Variants in COMMD1 observed in about 807,000 individuals in gnomAD.
COMMD1 encodes copper metabolism domain containing 1, also known as COMM domain-containing protein 1.
COMMD1 carries 10 observed loss-of-function variants against 17.2 expected under a neutral mutation model. The observed-to-expected ratio is 0.58, with a 90% CI of 0.36 to 0.99. The LOEUF (loss-of-function observed/expected upper bound fraction) is 0.99, where lower values mean the gene tolerates loss of function less well. COMMD1 is among the 50% of genes least tolerant of loss of function. The pLI is 0.01. For missense variants in COMMD1, 270 were observed against 231.8 expected, an observed-to-expected ratio of 1.17 and a Z score of -1.07; for synonymous variants, 97 against 91.6, an observed-to-expected ratio of 1.06 and a Z score of -0.34.
intron 1 of COMMD1, among the ~76,000 whole-genome samples, chr2:61,933,175 A>G (rs1670513546): frequency 6.6e-6 from 1 of 151,738 alleles, no homozygotes. Flanking sequence ...AGCCGCATTT[A>G]TCCATCGTCT....
At chr2:61,990,458 G>A (rs767523084) in intron 1 of COMMD1, among the ~76,000 whole-genome samples, 23 of 152,132 alleles carry the variant, frequency 1.5e-4, no homozygotes, top group South Asian at 6.2e-4. Context: ...AGGCTGAGGC[G>A]GAAGGACTGC....
At chr2:62,011,396 T>A (rs1191833326) in intron 2 of COMMD1, among the ~76,000 whole-genome samples, 1 of 152,222 alleles carries the variant, frequency 6.6e-6, no homozygotes, top group East Asian at 1.9e-4. Context: ...CTGGTCTGCC[T>A]TTTGTTACTT....
chr2:62,052,317 A>T (rs1670559345), intron 2 of COMMD1, among the ~76,000 whole-genome samples: 1 of 152,158 alleles, frequency 6.6e-6, no homozygotes, highest in African/African-American at 2.4e-5. Flanking sequence ...CAGTCTTATA[A>T]CCTGGTATTT....
chr2:61,952,036 T>A (rs1179051192), intron 1 of COMMD1, among the ~76,000 whole-genome samples: 1 of 152,250 alleles, frequency 6.6e-6, no homozygotes. Context: ...CATTTGCATA[T>A]GTTTGTGAAA....
At chr2:62,029,476 A>G (rs1188049212) in intron 2 of COMMD1, among the ~76,000 whole-genome samples, 1 of 152,176 alleles carries the variant, frequency 6.6e-6, no homozygotes, top group Non-Finnish European at 1.5e-5. Context: ...TATTCCTATT[A>G]CCCAGCTTCA....
intron 1 of COMMD1, among the ~76,000 whole-genome samples, chr2:61,963,579 G>A (rs1223961920): frequency 6.6e-6 from 1 of 152,032 alleles, no homozygotes; most frequent in African/African-American, 2.4e-5. Context: ...CCTGACCTCA[G>A]GTGATCTGCC....
At chr2:62,048,011 T>C (rs1670429422) in intron 2 of COMMD1, among the ~76,000 whole-genome samples, 1 of 152,022 alleles carries the variant, frequency 6.6e-6, no homozygotes, top group African/African-American at 2.4e-5. Context: ...CTCTATGATG[T>C]TAACATAACA....
intron 2 of COMMD1, among the ~76,000 whole-genome samples, chr2:62,112,864 A>AT (rs546891291): frequency 5.6e-3 from 840 of 150,208 alleles, no homozygotes; most frequent in Non-Finnish European, 8.6e-3. Context: ...TCACTTCCTG[A>AT]TTTTTTTTTT....
intron 2 of COMMD1, among the ~76,000 whole-genome samples, chr2:62,003,716 T>A (rs970016476): frequency 3.3e-5 from 5 of 152,130 alleles, no homozygotes; most frequent in Non-Finnish European, 1.5e-5. Context: ...GGCTATTTAG[T>A]TTTCATCCTG....
intron 2 of COMMD1, among the ~76,000 whole-genome samples, chr2:62,043,766 A>G (rs1337784224): frequency 6.6e-6 from 1 of 152,230 alleles, no homozygotes; most frequent in African/African-American, 2.4e-5. Context: ...TAAATTTACA[A>G]GATCAGTGGT....
Position 62,000,696 on chromosome 2 carries a change from T to C in COMMD1, c.181-5T>C, listed in dbSNP as rs1344740913. 6.2e-7 allele frequency: 1 copy of C among 1,614,094 alleles called. No individual in the cohort carries two copies. Among genetic ancestry groups the C allele is most frequent in the Admixed American group, 1.7e-5 (1 of 60,024 alleles). On this transcript the variant is annotated splice_polypyrimidine_tract_variant and splice_region_variant and intron_variant, in intron 1 of 2. Transcript: ENST00000311832. ...AATTTTTTGCTTTTTCTGTCATCTT[T>C]ATAGTCTATTGCGTCTGCAGACATG...
intron 2 of COMMD1, among the ~76,000 whole-genome samples, chr2:62,078,105 C>G (rs1245801498): frequency 6.6e-6 from 1 of 151,900 alleles, no homozygotes; most frequent in Non-Finnish European, 1.5e-5. Context: ...GAAACCCTGT[C>G]TGTACTAAAA....
intron 1 of COMMD1, among the ~76,000 whole-genome samples, chr2:61,940,288 T>G (rs1221156664): frequency 6.6e-6 from 1 of 152,242 alleles, no homozygotes; most frequent in Non-Finnish European, 1.5e-5. Context: ...CCTTCAGTTT[T>G]ATAGTACTAG....
At chr2:61,963,634 A>G (rs4672472) in intron 1 of COMMD1, among the ~76,000 whole-genome samples, 138,767 of 152,174 alleles carry the variant, frequency 0.91, 63,414 homozygotes, top group East Asian at 1. Flanking sequence ...GTGAGCCACC[A>G]TGCCCAGCCT....
intron 2 of COMMD1, among the ~76,000 whole-genome samples, chr2:62,116,213 G>A (rs1317541761): frequency 6.6e-6 from 1 of 152,102 alleles, no homozygotes; most frequent in East Asian, 1.9e-4. Context: ...TGTTTTATAA[G>A]TGTGGCTAAA....
chr2:62,091,938 T>C (rs1467257714), intron 2 of COMMD1, among the ~76,000 whole-genome samples: 1 of 152,212 alleles, frequency 6.6e-6, no homozygotes. Context: ...AGAGGTACCC[T>C]AAAAACTGGA....
chr2:62,064,286 G>T (rs563399173), intron 2 of COMMD1, among the ~76,000 whole-genome samples: 1 of 152,138 alleles, frequency 6.6e-6, no homozygotes, highest in East Asian at 1.9e-4. Flanking sequence ...TGATTCTCCT[G>T]CTTCAGCTTC....
At position 61,927,181 on chromosome 2, in the gene COMMD1, AACTG is replaced by A. The variant is rs1670348537; in HGVS notation, c.180+21327_180+21330del. On this transcript the variant is annotated intron_variant, in intron 1 of 2. Coordinates refer to ENST00000311832, the MANE Select transcript of COMMD1 (RefSeq NM_152516.4). Reference sequence around the variant, plus strand: ...TGGGGAGATAGAACAATAGAAAAATAACTGACTACTTAACATCAGGTTACTTCAG... The same window carrying A: ...TGGGGAGATAGAACAATAGAAAAATAACTACTTAACATCAGGTTACTTCAG... 2.0e-5 allele frequency among the ~76,000 whole-genome samples: 3 copies of A among 152,340 alleles called. No individual in the cohort carries two copies. The East Asian group carries it at 5.8e-4, about 29-fold the overall frequency.
At chr2:62,120,919 GT>G (rs907004840) in intron 2 of COMMD1, among the ~76,000 whole-genome samples, 1 of 151,542 alleles carries the variant, frequency 6.6e-6, no homozygotes, top group African/African-American at 2.4e-5. Flanking sequence ...TTTTCTTTTT[GT>G]TTTTTTAGAG....
Sources: allele counts gnomAD v4.1 joint callset (sites outside exome capture counted in the v4.1 genomes callset), GRCh38; gene constraint gnomAD v4.1.1; transcripts MANE v1.5; gene names NCBI Gene and HGNC (gene_info 2026-07-23, HGNC 2026-07-21).